Variants in AOAH observed in about 807,000 individuals in gnomAD.
The protein encoded by AOAH is acyloxyacyl hydrolase.
In AOAH, 64 loss-of-function variants were observed where a neutral mutation model predicts 92.2. The observed-to-expected ratio is 0.69, with a 90% confidence interval of 0.57 to 0.86. AOAH has a LOEUF of 0.86. Among genes scored for constraint, AOAH ranks in the 40% least tolerant of loss-of-function variants. The probability of loss-of-function intolerance (pLI) is 0.00; values close to 1 mark genes in which losing one functional copy is unlikely to be tolerated. For synonymous variants in AOAH, 263 were observed against 254.5 expected (o/e 1.03, Z -0.32); for missense variants, 656 against 694.6 (o/e 0.94, Z 0.62).
chr7:36,604,797 G>C (rs1790878900), intron 11 of AOAH, among the ~76,000 whole-genome samples: 1 of 152,142 alleles, frequency 6.6e-6, no homozygotes, highest in Non-Finnish European at 1.5e-5. Flanking sequence ...CCAAATTTGG[G>C]ACTCTGTGAC....
chr7:36,546,909 C>T lies in AOAH; in HGVS notation c.1133+1703G>A, dbSNP rs148123743. On this transcript the variant is annotated intron_variant, in intron 15 of 20. Coordinates refer to ENST00000617537, the MANE Select transcript of AOAH (RefSeq NM_001637.4). ...GAGCCTGGCACAGTGCTTGGCACAT[C>T]GTGGTGCTCACTGTATATTTTAAAA... Among the ~76,000 whole-genome samples, 92 of 152,250 alleles carry T rather than the reference C, an allele frequency of 6.0e-4. 1 individual carries two copies. Among genetic ancestry groups the T allele is most frequent in the African/African-American group, 2.1e-3 (87 of 41,542 alleles).
chr7:36,646,336 A>G (rs1794222596), intron 4 of AOAH, among the ~76,000 whole-genome samples: 1 of 152,240 alleles, frequency 6.6e-6, no homozygotes, highest in Non-Finnish European at 1.5e-5. Flanking sequence ...ATCTGGGCTC[A>G]TAAACAAGCT....
chr7:36,696,545 C>A (rs191663191), intron 1 of AOAH, among the ~76,000 whole-genome samples: 2 of 152,142 alleles, frequency 1.3e-5, no homozygotes, highest in Non-Finnish European at 2.9e-5. Flanking sequence ...AATTTTAATT[C>A]TTAAACGTTT....
Position 36,616,354 on chromosome 7 carries a change from G to T in AOAH, c.846+26C>A, listed in dbSNP as rs753426771. 3.9e-5 allele frequency: 62 copies of T among 1,582,432 alleles called. No individual in the cohort carries two copies. In the Middle Eastern group the frequency reaches 5.0e-4, roughly 13 times the overall value. ...ACAAAAACAAAGGCCAGCACATCTG[G>T]AATGATTACTGCCAAAATTACTTAC... On this transcript the variant is annotated intron_variant, in intron 11 of 20. Transcript: ENST00000617537.
chr7:36,693,228 T>G (rs1043889529), intron 1 of AOAH, among the ~76,000 whole-genome samples: 1 of 152,196 alleles, frequency 6.6e-6, no homozygotes, highest in Admixed American at 6.5e-5. Flanking sequence ...AACTTACACA[T>G]TTTAATGGAT....
rs754857236 is a variant in AOAH, at chr7:36,659,179, T to C, written c.377A>G (p.Tyr126Cys). ...TTACACACTCACCTTGGGAAGAGGG[T>C]AGAGATGACACAATGGTTGGCCAGT... Reference protein sequence around the residue: ...QNTGQPLCHLYPLPKETWKFT... With the variant: ...QNTGQPLCHLCPLPKETWKFT... Residue 126 changes from tyrosine to cysteine, a missense_variant, in exon 4 of 21, where the codon TAC (tyrosine) becomes TGC (cysteine). Tyr to Cys is a radical substitution (Grantham distance 194). Coordinates refer to ENST00000617537, the MANE Select transcript of AOAH (RefSeq NM_001637.4). 3.1e-6 allele frequency: 5 copies of C among 1,613,152 alleles called. No individual in the cohort carries two copies. Among genetic ancestry groups the C allele is most frequent in the Non-Finnish European group, 4.2e-6 (5 of 1,179,314 alleles).
chr7:36,554,086 A>G (rs1786499147), intron 13 of AOAH, among the ~76,000 whole-genome samples: 1 of 152,216 alleles, frequency 6.6e-6, no homozygotes, highest in Non-Finnish European at 1.5e-5. Flanking sequence ...GGTAATGCCT[A>G]GGTTTTCATT....
chr7:36,553,267 A>G (rs1004821152), intron 13 of AOAH, among the ~76,000 whole-genome samples: 1 of 151,540 alleles, frequency 6.6e-6, no homozygotes, highest in East Asian at 2.0e-4. Flanking sequence ...ATGATTTCCA[A>G]TTTCATCCAT....
At chr7:36,634,465 C>A (rs1429426749) in intron 5 of AOAH, among the ~76,000 whole-genome samples, 1 of 152,150 alleles carries the variant, frequency 6.6e-6, no homozygotes, top group Non-Finnish European at 1.5e-5. Flanking sequence ...CAATCACGAC[C>A]CTCTCACGCG....
intron 4 of AOAH, among the ~76,000 whole-genome samples, chr7:36,650,916 G>A (rs1794536983): frequency 6.6e-6 from 1 of 152,248 alleles, no homozygotes; most frequent in East Asian, 1.9e-4. Flanking sequence ...CTTCTTCAGA[G>A]AGGTTGGTCA....
At chr7:36,566,199 A>G (rs897334443) in intron 13 of AOAH, among the ~76,000 whole-genome samples, 1 of 151,878 alleles carries the variant, frequency 6.6e-6, no homozygotes, top group African/African-American at 2.4e-5. Flanking sequence ...ACAATAGCAG[A>G]AGCTCAGTTA....
chr7:36,579,534 G>GT (rs1363284291), intron 12 of AOAH, among the ~76,000 whole-genome samples: 107 of 152,164 alleles, frequency 7.0e-4, no homozygotes, highest in African/African-American at 2.4e-3. Flanking sequence ...ATATGGGGGG[G>GT]TTTTTAGTAT....
At chr7:36,705,515 T>C (rs751155776) in intron 1 of AOAH, among the ~76,000 whole-genome samples, 1 of 152,158 alleles carries the variant, frequency 6.6e-6, no homozygotes, top group Non-Finnish European at 1.5e-5. Context: ...CATTCCATGC[T>C]CATGGATAGG....
chr7:36,532,310 C>A lies in AOAH; in HGVS notation c.1341G>T (p.Leu447Phe). ...QLNKDMTYAQLYSFLNCLQVS... is the reference protein window; with the variant it reads ...QLNKDMTYAQFYSFLNCLQVS... Reference sequence around the variant, plus strand: ...CCTGGAGGCAGTTCAGGAAGGAGTACAACTGCGCATAGGTCATGTCTTTAT... The same window carrying A: ...CCTGGAGGCAGTTCAGGAAGGAGTAAAACTGCGCATAGGTCATGTCTTTAT... Residue 447 changes from leucine to phenylalanine, a missense_variant, in exon 17 of 21, where the codon TTG becomes TTT. Physicochemically the swap from Leu to Phe is conservative, Grantham distance 22 (BLOSUM62 0). Transcript: ENST00000617537. 6.2e-7 allele frequency: 1 copy of A among 1,614,112 alleles called. No individual in the cohort carries two copies. Among genetic ancestry groups the A allele is most frequent in the South Asian group, 1.1e-5 (1 of 91,064 alleles).
chr7:36,637,333 G>A (rs1462189825), intron 5 of AOAH, among the ~76,000 whole-genome samples: 1 of 152,182 alleles, frequency 6.6e-6, no homozygotes, highest in Non-Finnish European at 1.5e-5. Context: ...TTGTCTTACA[G>A]ACAAGAAAAC....
intron 2 of AOAH, among the ~76,000 whole-genome samples, chr7:36,680,464 T>C (rs1359312879): frequency 2.0e-5 from 3 of 152,250 alleles, no homozygotes; most frequent in African/African-American, 4.8e-5. Context: ...TGTGTGTTTA[T>C]GTGCTTAATT....
At chr7:36,693,586 A>G (rs1280939151) in intron 1 of AOAH, among the ~76,000 whole-genome samples, 1 of 152,182 alleles carries the variant, frequency 6.6e-6, no homozygotes, top group East Asian at 1.9e-4. Flanking sequence ...TCTCAATACT[A>G]AAAACGTGTA....
intron 11 of AOAH, among the ~76,000 whole-genome samples, chr7:36,601,188 C>T (rs1424106632): frequency 6.6e-6 from 1 of 152,178 alleles, no homozygotes; most frequent in East Asian, 1.9e-4. Flanking sequence ...TTAGGTAGCA[C>T]AGTTCTCATA....
chr7:36,548,563 A>G (rs1785958629), intron 15 of AOAH, 49 bp downstream of exon 15: 1 of 1,500,840 alleles, frequency 6.7e-7, no homozygotes, highest in African/African-American at 1.4e-5. Context: ...AGGGTGGGGA[A>G]GAGCCCAGAG....
Sources: gnomAD v4.1 joint callset for allele counts (sites outside exome capture counted in the v4.1 genomes callset) on GRCh38, gnomAD v4.1.1 for gene constraint, MANE v1.5 for transcripts, NCBI Gene and HGNC (gene_info 2026-07-23, HGNC 2026-07-21) for gene names.